The following TFEC variants were observed in gnomAD, a reference collection of about 807,000 sequenced individuals.
TFEC encodes the protein transcription factor EC.
Under a neutral mutation model 41.6 loss-of-function variants are expected in TFEC, and 31 were observed. The observed-to-expected ratio is 0.74, with a 90% CI of 0.56 to 1.01. The LOEUF is 1.01. Ranked by LOEUF, TFEC falls within the 50% of genes least tolerant of loss-of-function variation. The pLI is 0.00. For synonymous variants in TFEC, 143 were observed against 140.6 expected (o/e 1.02, Z -0.12); for missense variants, 402 against 404.1 (o/e 0.99, Z 0.04).
upstream of TFEC, among the ~76,000 whole-genome samples, chr7:116,035,421 A>C (rs1230614156): frequency 2.0e-5 from 3 of 151,912 alleles, no homozygotes; most frequent in Non-Finnish European, 4.4e-5. Context: ...GTATGAACTG[A>C]GGACACTTTA....
At chr7:116,078,137 C>T (rs796069604) in intron 3 of TFEC, among the ~76,000 whole-genome samples, 10 of 151,990 alleles carry the variant, frequency 6.6e-5, no homozygotes, top group East Asian at 5.8e-4. Context: ...CTCAAAACCA[C>T]GCAAATACAT....
intron 2 of TFEC, among the ~76,000 whole-genome samples, chr7:115,980,568 G>A (rs1393624930): frequency 2.6e-5 from 4 of 152,040 alleles, no homozygotes; most frequent in Admixed American, 6.6e-5. Context: ...TGGCCAATAC[G>A]GCGAAACTCC....
intron 1 of TFEC, among the ~76,000 whole-genome samples, chr7:116,119,477 C>T (rs1397725580): frequency 2.0e-5 from 3 of 151,460 alleles, no homozygotes; most frequent in Non-Finnish European, 3.0e-5. Context: ...AGAGCTTAAA[C>T]ACAATAAATT....
At chr7:116,062,216 A>G (rs1796575041) in intron 3 of TFEC, among the ~76,000 whole-genome samples, 1 of 123,942 alleles carries the variant, frequency 8.1e-6, no homozygotes, top group Non-Finnish European at 1.6e-5. Context: ...ATGTGCCAAC[A>G]TGCCTGGCCT....
intron 3 of TFEC, among the ~76,000 whole-genome samples, chr7:116,036,517 C>G (rs1795913721): frequency 6.6e-6 from 1 of 152,046 alleles, no homozygotes; most frequent in Non-Finnish European, 1.5e-5. Flanking sequence ...GTGAATTGGT[C>G]TTGTCACATA....
chr7:116,029,355 C>A (rs1322677854), intron 1 of TFEC, among the ~76,000 whole-genome samples: 2 of 152,064 alleles, frequency 1.3e-5, no homozygotes, highest in Admixed American at 6.6e-5. Context: ...TTAAAAGATA[C>A]TTGCAAGTGC....
At chr7:115,947,701 G>A (rs1342853777) in intron 6 of TFEC, among the ~76,000 whole-genome samples, 1 of 150,206 alleles carries the variant, frequency 6.7e-6, no homozygotes, top group East Asian at 2.0e-4. Context: ...TGTGTTTTTT[G>A]GCTGCATAAA....
In TFEC at chr7:115,974,162, G is replaced by A. The variant is rs758600969; in HGVS notation, c.267+8C>T. 3.2e-6 allele frequency: 5 copies of A among 1,581,774 alleles called. No individual in the cohort carries two copies. Among genetic ancestry groups the A allele is most frequent in the Admixed American group, 3.8e-5 (2 of 53,020 alleles). ...TTCAATGACCTTCTTGGGTCTGAAA[G>A]CACTTACTGTTCTTTGCATTAGCAG... On this transcript the variant is annotated splice_region_variant and intron_variant, in intron 3 of 7. Transcript: ENST00000265440.
intron 1 of TFEC, among the ~76,000 whole-genome samples, chr7:116,124,585 T>C (rs1798173879): frequency 6.6e-6 from 1 of 152,176 alleles, no homozygotes; most frequent in African/African-American, 2.4e-5. Flanking sequence ...GAATAAGTAA[T>C]GTGAACTTGA....
At chr7:116,031,629 G>T (rs1007139757), upstream of TFEC, among the ~76,000 whole-genome samples, 2 of 152,108 alleles carry the variant, frequency 1.3e-5, no homozygotes, top group Admixed American at 6.6e-5. Flanking sequence ...AGCTACTGAA[G>T]TTTAATGTGA....
At position 115,938,062 on chromosome 7, in the gene TFEC, A is replaced by G. The variant is rs1413041943; in HGVS notation, c.*2489T>C. On this transcript the variant is annotated 3_prime_UTR_variant, in exon 8 of 8. Coordinates refer to ENST00000265440, the MANE Select transcript of TFEC (RefSeq NM_012252.4). ...TGACATCTCATAATCTGAATGTAGC[A>G]GCAAATAGCAGTTCCCTCTCCAGAT... The G allele has an allele frequency of 6.6e-6, 1 of 151,916 alleles. No homozygotes were observed. The highest frequency in any genetic ancestry group is 1.5e-5 in the Non-Finnish European group (1 of 67,890). 9.4% of individuals were successfully genotyped at this position (151,916 alleles called of 1,614,324 possible).
intron 5 of TFEC, among the ~76,000 whole-genome samples, chr7:115,952,663 C>G (rs1460668210): frequency 6.6e-6 from 1 of 151,972 alleles, no homozygotes; most frequent in Admixed American, 6.6e-5. Context: ...AAATCTGGCT[C>G]CCAATGGTGT....
chr7:115,940,707 A>T lies in TFEC; in HGVS notation c.888T>A (p.Ala296=). 1 of 1,613,624 alleles carries T rather than the reference A, an allele frequency of 6.2e-7. No individual in the cohort carries two copies. The highest frequency in any genetic ancestry group is 8.5e-7 in the Non-Finnish European group (1 of 1,179,654). Residue 296 remains alanine, a synonymous_variant, in exon 8 of 8, where the codon GCT becomes GCA. Transcript: ENST00000265440. ...LSYFTDLSFS[A]ALKEEQRLDG... Reference sequence around the variant, plus strand: ...CCAATCTTTGTTCCTCTTTCAATGCAGCACTAAATGATAAATCTGTGAAGT... The same window carrying T: ...CCAATCTTTGTTCCTCTTTCAATGCTGCACTAAATGATAAATCTGTGAAGT...
rs1302536203 is a variant in TFEC at position 116,040,231 on chromosome 7, A to G, written c.199-55718T>C. Reference sequence around the variant, plus strand: ...CAATAAAAGTTGTCACCAAATCCCAAGAAAATGATTGCATTGGAAGGAATA... The same window carrying G: ...CAATAAAAGTTGTCACCAAATCCCAGGAAAATGATTGCATTGGAAGGAATA... On this transcript the variant is annotated intron_variant, in intron 3 of 8. Coordinates refer to the TFEC transcript ENST00000484212. Among the ~76,000 whole-genome samples the G allele has an allele frequency of 2.6e-5, 4 of 152,190 alleles. No individual in the cohort carries two copies. In the South Asian group the frequency reaches 8.3e-4, roughly 32 times the overall value.
At chr7:116,011,246 T>G (rs1794988979) in intron 1 of TFEC, among the ~76,000 whole-genome samples, 1 of 152,146 alleles carries the variant, frequency 6.6e-6, no homozygotes, top group South Asian at 2.1e-4. Flanking sequence ...CATCTAACCC[T>G]AGGATTTTGG....
chr7:116,146,971 T>A (rs1798653426), intron 1 of TFEC, among the ~76,000 whole-genome samples: 1 of 152,154 alleles, frequency 6.6e-6, no homozygotes, highest in South Asian at 2.1e-4. Flanking sequence ...AATTAGGAAC[T>A]CAAAGTTTGG....
At chr7:116,038,589 T>C (rs1042283058) in intron 3 of TFEC, among the ~76,000 whole-genome samples, 1 of 152,022 alleles carries the variant, frequency 6.6e-6, no homozygotes, top group African/African-American at 2.4e-5. Flanking sequence ...TACCATCTCA[T>C]GTTAGCATGC....
intron 1 of TFEC, among the ~76,000 whole-genome samples, chr7:115,995,353 C>A (rs1008328098): frequency 1.3e-5 from 2 of 151,002 alleles, no homozygotes; most frequent in Non-Finnish European, 3.0e-5. Context: ...TTAAAAAAAA[C>A]AAAAATAAAA....
intron 3 of TFEC, among the ~76,000 whole-genome samples, chr7:115,970,886 G>A (rs924997043): frequency 3.9e-5 from 6 of 151,936 alleles, no homozygotes; most frequent in African/African-American, 1.5e-4. Context: ...ACAGTCTGCA[G>A]AGCCGTGAGG....
Sources: allele counts gnomAD v4.1 joint callset (sites outside exome capture counted in the v4.1 genomes callset), GRCh38; gene constraint gnomAD v4.1.1; transcripts MANE v1.5; gene names NCBI Gene and HGNC (gene_info 2026-07-23, HGNC 2026-07-21).